The following ZNF407 variants were observed in gnomAD, a reference collection of about 807,000 sequenced individuals.
ZNF407 encodes the protein zinc finger protein 407.
ZNF407 carries 17 observed loss-of-function variants against 131.2 expected under a neutral mutation model. The observed-to-expected ratio is 0.13, with a 90% CI of 0.09 to 0.19. ZNF407 has a LOEUF of 0.19. ZNF407 is among the 10% of genes least tolerant of loss of function. The pLI is 1.00. For synonymous variants in ZNF407, 1,156 were observed against 1,062.0 expected (o/e 1.09, Z -1.72); for missense variants, 2,681 against 2,830.6 (o/e 0.95, Z 1.20).
intron 7 of ZNF407, among the ~76,000 whole-genome samples, chr18:74,905,027 C>T (rs1284919183): frequency 1.3e-5 from 2 of 152,172 alleles, no homozygotes; most frequent in African/African-American, 2.4e-5. Flanking sequence ...TAAATGTTCA[C>T]GTTTTCTTTT....
At chr18:74,697,385 C>T (rs1228573772) in intron 3 of ZNF407, among the ~76,000 whole-genome samples, 1 of 152,062 alleles carries the variant, frequency 6.6e-6, no homozygotes, top group Non-Finnish European at 1.5e-5. Context: ...TCCAAAATAG[C>T]TGCATTCTTT....
chr18:75,064,075 G>A lies in ZNF407; in HGVS notation c.6354G>A (p.Gly2118=). 3.8e-6 allele frequency: 6 copies of A among 1,589,824 alleles called. No individual in the cohort carries two copies. Among genetic ancestry groups the A allele is most frequent in the Non-Finnish European group, 5.1e-6 (6 of 1,168,990 alleles). ...SEEGAVHMVA[G]EGAQIIMQEA... The stretch of plus-strand genomic sequence containing the variant: ...AGGGTGCCGTCCACATGGTCGCCGG[G>A]GAGGGTGCCCAGATCATCATGCAGG... Residue 2118 remains glycine (G), a synonymous_variant, in exon 9 of 9, where the codon GGG becomes GGA. Transcript: ENST00000299687.
At chr18:74,984,893 G>GTAGA (rs1599279064) in intron 8 of ZNF407, among the ~76,000 whole-genome samples, 1 of 152,278 alleles carries the variant, frequency 6.6e-6, no homozygotes, top group East Asian at 1.9e-4. Context: ...CTGAATGTGC[G>GTAGA]TAGAGTCAAA....
intron 3 of ZNF407, among the ~76,000 whole-genome samples, chr18:74,659,091 A>G (rs1414670506): frequency 6.6e-6 from 1 of 152,172 alleles, no homozygotes; most frequent in Non-Finnish European, 1.5e-5. Context: ...TTTTTGAAAT[A>G]GATGAACTAC....
intron 4 of ZNF407, among the ~76,000 whole-genome samples, chr18:74,796,336 A>G (rs1294407893): frequency 1.3e-5 from 2 of 152,226 alleles, no homozygotes; most frequent in Admixed American, 6.5e-5. Flanking sequence ...CATGACTGAT[A>G]GAGCGTTAGG....
intron 4 of ZNF407, among the ~76,000 whole-genome samples, chr18:74,864,184 G>A (rs1023277380): frequency 3.3e-5 from 5 of 152,084 alleles, no homozygotes; most frequent in Non-Finnish European, 7.4e-5. Flanking sequence ...ATTACTCTTC[G>A]TTAGAACCCT....
chr18:74,748,392 A>G (rs563423018), intron 3 of ZNF407, among the ~76,000 whole-genome samples: 37 of 152,042 alleles, frequency 2.4e-4, no homozygotes, highest in Admixed American at 5.2e-4. Flanking sequence ...TATTGAGAAC[A>G]TGATTATTCA....
At chr18:75,041,622 GCA>G (rs57989015) in intron 8 of ZNF407, among the ~76,000 whole-genome samples, 4,025 of 144,652 alleles carry the variant, frequency 0.028, 90 homozygotes, top group African/African-American at 0.057. Context: ...GCATGCACGT[GCA>G]CACACACACA....
intron 4 of ZNF407, among the ~76,000 whole-genome samples, chr18:74,789,919 C>G (rs1389987354): frequency 4.6e-5 from 7 of 151,378 alleles, no homozygotes; most frequent in African/African-American, 1.7e-4. Context: ...ATATAATGTC[C>G]CACCTCTCCT....
intron 8 of ZNF407, among the ~76,000 whole-genome samples, chr18:74,988,661 T>C (rs985053058): frequency 1.3e-5 from 2 of 151,180 alleles, no homozygotes; most frequent in Non-Finnish European, 2.9e-5. Flanking sequence ...AAAAAATAAA[T>C]AAACAAACAA....
intron 8 of ZNF407, among the ~76,000 whole-genome samples, chr18:75,019,517 C>T (rs1398233854): frequency 6.6e-6 from 1 of 152,016 alleles, no homozygotes; most frequent in Non-Finnish European, 1.5e-5. Context: ...TTTTAAATTG[C>T]AAGCCATTCC....
chr18:74,820,269 G>A (rs7229038), intron 4 of ZNF407, among the ~76,000 whole-genome samples: 2,998 of 152,266 alleles, frequency 0.02, 110 homozygotes, highest in African/African-American at 0.069. Context: ...CTTGGAGCAG[G>A]CCCCACAGGC....
At chr18:74,771,743 TTGTG>T (rs1320059835) in intron 3 of ZNF407, among the ~76,000 whole-genome samples, 1 of 152,106 alleles carries the variant, frequency 6.6e-6, no homozygotes. Context: ...TGATAACTGA[TTGTG>T]TGGTATTTAT....
chr18:74,902,381 T>G (rs1328238484), intron 7 of ZNF407, among the ~76,000 whole-genome samples: 1 of 152,162 alleles, frequency 6.6e-6, no homozygotes, highest in African/African-American at 2.4e-5. Flanking sequence ...GATTGCCTTA[T>G]CACACAGAAC....
Position 74,850,659 on chromosome 18 carries a change from C to T in ZNF407, c.4878-26538C>T, listed in dbSNP as rs562334703. On this transcript the variant is annotated intron_variant, in intron 4 of 8. Coordinates refer to ENST00000299687, the MANE Select transcript of ZNF407 (RefSeq NM_017757.3). Reference sequence around the variant, plus strand: ...CAAATAAAGGCTGATGCTTTCAGTTCCTTTCAGTTTCTGCTCAAATACTAT... The same window carrying T: ...CAAATAAAGGCTGATGCTTTCAGTTTCTTTCAGTTTCTGCTCAAATACTAT... Among the ~76,000 whole-genome samples, 8 of 152,122 alleles carry T rather than the reference C, an allele frequency of 5.3e-5. 1 individual carries two copies. The South Asian group carries it at 1.7e-3, about 31-fold the overall frequency.
intron 1 of ZNF407, among the ~76,000 whole-genome samples, chr18:74,627,940 TC>T (rs1181492079): frequency 6.7e-6 from 1 of 150,246 alleles, no homozygotes; most frequent in African/African-American, 2.5e-5. Flanking sequence ...AGTGGTTCAG[TC>T]GTAGCTCACT....
intron 3 of ZNF407, among the ~76,000 whole-genome samples, chr18:74,699,264 C>T (rs1354037946): frequency 6.6e-6 from 1 of 152,160 alleles, no homozygotes; most frequent in Admixed American, 6.5e-5. Context: ...GCAGGGATGC[C>T]TCCAGGAAAC....
chr18:74,916,475 A>ACCAATAC, intron 7 of ZNF407, among the ~76,000 whole-genome samples: 1 of 96,014 alleles, frequency 1.0e-5, no homozygotes, highest in Admixed American at 1.2e-4. Flanking sequence ...ATTGGTTCGA[A>ACCAATAC]TTGGGAGTGT....
intron 4 of ZNF407, among the ~76,000 whole-genome samples, chr18:74,866,578 G>C (rs1377578957): frequency 5.9e-5 from 9 of 151,966 alleles, no homozygotes; most frequent in African/African-American, 2.2e-4. Flanking sequence ...GATACATAAA[G>C]ACCTATAGGA....
Sources: gnomAD v4.1 joint callset for allele counts (sites outside exome capture counted in the v4.1 genomes callset) on GRCh38, gnomAD v4.1.1 for gene constraint, MANE v1.5 for transcripts, NCBI Gene and HGNC (gene_info 2026-07-23, HGNC 2026-07-21) for gene names.